Variants in TMTC4 observed in about 807,000 individuals in gnomAD.
TMTC4 encodes the protein transmembrane O-mannosyltransferase targeting cadherins 4, also known as protein O-mannosyl-transferase TMTC4.
Under a neutral mutation model 86.0 loss-of-function variants are expected in TMTC4, and 65 were observed. The observed-to-expected ratio is 0.76, with a 90% CI of 0.62 to 0.93. The LOEUF is 0.93. Ranked by LOEUF, TMTC4 falls within the 40% of genes least tolerant of loss-of-function variation. The pLI, the probability that TMTC4 is intolerant of heterozygous loss-of-function variation, is 0.00. For synonymous variants in TMTC4, 379 were observed against 382.5 expected, an observed-to-expected ratio of 0.99 and a Z score of 0.11; for missense variants, 866 against 948.1, an observed-to-expected ratio of 0.91 and a Z score of 1.14.
At chr13:100,669,191 G>C (rs1019495491) in intron 2 of TMTC4, among the ~76,000 whole-genome samples, 5 of 152,192 alleles carry the variant, frequency 3.3e-5, no homozygotes, top group African/African-American at 1.2e-4. Context: ...GTCATTGTTG[G>C]GTTTTAGCAC....
intron 15 of TMTC4, among the ~76,000 whole-genome samples, chr13:100,616,368 A>G (rs879937257): frequency 2.9e-4 from 44 of 151,786 alleles, no homozygotes; most frequent in Non-Finnish European, 5.9e-4. Context: ...ATGCCCAGCT[A>G]ATTTTTGTAT....
At chr13:100,646,831 T>G (rs889452874) in intron 6 of TMTC4, among the ~76,000 whole-genome samples, 2 of 152,236 alleles carry the variant, frequency 1.3e-5, no homozygotes, top group African/African-American at 4.8e-5. Context: ...CCCTGTTAAA[T>G]TACACATAAT....
chr13:100,639,933 C>T (rs989360269), intron 7 of TMTC4, among the ~76,000 whole-genome samples: 4 of 151,142 alleles, frequency 2.6e-5, no homozygotes, highest in South Asian at 2.1e-4. Context: ...AGAGAGAAAC[C>T]GTCTCGAATA....
At chr13:100,639,290 C>A (rs1268334756) in intron 7 of TMTC4, among the ~76,000 whole-genome samples, 1 of 152,194 alleles carries the variant, frequency 6.6e-6, no homozygotes, top group Non-Finnish European at 1.5e-5. Flanking sequence ...AATACATGGG[C>A]CAGTGCTGGG....
chr13:100,651,361 T>C (rs979387184), intron 6 of TMTC4, among the ~76,000 whole-genome samples: 11 of 152,178 alleles, frequency 7.2e-5, no homozygotes, highest in African/African-American at 2.7e-4. Flanking sequence ...TAATACCCAG[T>C]GTGCCATTGA....
At chr13:100,620,355 G>A (rs142902279) in intron 15 of TMTC4, among the ~76,000 whole-genome samples, 12 of 152,218 alleles carry the variant, frequency 7.9e-5, no homozygotes, top group Middle Eastern at 6.8e-3. Context: ...CTCCTCCACC[G>A]TCCCAGGGTG....
chr13:100,621,802 C>T (rs186583682), intron 15 of TMTC4, among the ~76,000 whole-genome samples: 46 of 152,302 alleles, frequency 3.0e-4, no homozygotes, highest in Admixed American at 1.9e-3. Context: ...TGAACAGAAA[C>T]GGTAATCCCT....
intron 12 of TMTC4, among the ~76,000 whole-genome samples, chr13:100,627,211 A>G (rs1049372851): frequency 1.3e-5 from 2 of 152,088 alleles, no homozygotes; most frequent in African/African-American, 4.8e-5. Flanking sequence ...CAGGTTGGAG[A>G]GCCCGGGAGG....
chr13:100,642,873 C>T (rs1883212465), intron 6 of TMTC4, among the ~76,000 whole-genome samples: 1 of 152,192 alleles, frequency 6.6e-6, no homozygotes, highest in Non-Finnish European at 1.5e-5. Flanking sequence ...TACACAGCTA[C>T]TGACAGAGCT....
intron 12 of TMTC4, among the ~76,000 whole-genome samples, chr13:100,627,258 G>C (rs1390284934): frequency 2.0e-5 from 3 of 152,246 alleles, no homozygotes; most frequent in Non-Finnish European, 4.4e-5. Context: ...AGCAAGGGCA[G>C]GCTAGGATCA....
chr13:100,606,207 T>C (rs1045864707), intron 18 of TMTC4, 151 bp downstream of exon 18: 5 of 720,770 alleles, frequency 6.9e-6, no homozygotes, highest in Admixed American at 2.7e-5. Context: ...GGCTATCACT[T>C]TGCTATCTTT....
chr13:100,656,060 G>C (rs888142941), intron 6 of TMTC4, among the ~76,000 whole-genome samples: 3 of 152,232 alleles, frequency 2.0e-5, no homozygotes, highest in African/African-American at 7.2e-5. Flanking sequence ...AGGACAGCCT[G>C]TCCTGGAATC....
At chr13:100,648,609 T>C (rs1014140827) in intron 6 of TMTC4, among the ~76,000 whole-genome samples, 14 of 152,184 alleles carry the variant, frequency 9.2e-5, no homozygotes, top group African/African-American at 3.4e-4. Flanking sequence ...ACTCAGAAAA[T>C]AGGAAATGAG....
intron 3 of TMTC4, 50 bp from the exon 4 acceptor site, chr13:100,664,386 T>C (rs1886160883): frequency 7.3e-7 from 1 of 1,372,404 alleles, no homozygotes; most frequent in Non-Finnish European, 9.9e-7. Flanking sequence ...CCATCAGCCC[T>C]AAGCCAAGCT....
At chr13:100,664,145 G>T in intron 4 of TMTC4, 76 bp downstream of exon 4, 2 of 1,284,822 alleles carry the variant, frequency 1.6e-6, no homozygotes, top group South Asian at 1.5e-5. Context: ...CTGAGAACCT[G>T]GTGACACACA....
At chr13:100,646,404 C>A (rs1464424414) in intron 6 of TMTC4, among the ~76,000 whole-genome samples, 1 of 152,230 alleles carries the variant, frequency 6.6e-6, no homozygotes, top group Non-Finnish European at 1.5e-5. Flanking sequence ...GGTGTCAACA[C>A]TGCTTCTTAG....
chr13:100,654,296 C>G (rs1308571772), intron 6 of TMTC4, among the ~76,000 whole-genome samples: 1 of 152,120 alleles, frequency 6.6e-6, no homozygotes. Context: ...ACATTAAAGG[C>G]CTCATAATTT....
chr13:100,614,230 G>A, intron 16 of TMTC4, 86 bp downstream of exon 16: 2 of 984,036 alleles, frequency 2.0e-6, no homozygotes, highest in Non-Finnish European at 3.1e-6. Flanking sequence ...TAGGAAAAAA[G>A]CACAATAATC....
At position 100,663,092 on chromosome 13, in the gene TMTC4, C is replaced by G. The variant is rs776062695; in HGVS notation, c.424G>C (p.Val142Leu). The G allele has an allele frequency of 4.4e-5, 71 of 1,614,108 alleles. No homozygotes were observed. The highest frequency in any genetic ancestry group is 3.3e-4 in the Middle Eastern group (2 of 6,084). The change falls in exon 5 of 19, where the codon GTG becomes CTG. Residue 142 changes from valine to leucine, a missense_variant. By Grantham distance (32) the Val-to-Leu change is conservative. Transcript: ENST00000342624. Reference protein sequence around the residue: ...LLHSGISVLMVDVFSVLFGGL... With the variant: ...LLHSGISVLMLDVFSVLFGGL... ...CCAAACAGAACCGAGAAGACGTCCA[C>G]CATGAGGACAGAGATGCCACTGTGC...
Sources: gnomAD v4.1 joint callset for allele counts (sites outside exome capture counted in the v4.1 genomes callset) on GRCh38, gnomAD v4.1.1 for gene constraint, MANE v1.5 for transcripts, NCBI Gene and HGNC (gene_info 2026-07-23, HGNC 2026-07-21) for gene names.